The following TMEM165 variants were observed in gnomAD, a reference collection of about 807,000 sequenced individuals.
TMEM165 encodes the protein putative divalent cation/proton antiporter TMEM165.
In TMEM165, 19 loss-of-function variants were observed where a neutral mutation model predicts 30.0. The observed-to-expected ratio is 0.63, with a 90% CI of 0.44 to 0.93. TMEM165 has a LOEUF of 0.93. TMEM165 is among the 40% of genes least tolerant of loss of function. The probability of loss-of-function intolerance (pLI) is 0.00; values close to 1 mark genes in which losing one functional copy is unlikely to be tolerated. For missense variants in TMEM165, 340 were observed against 417.0 expected, an observed-to-expected ratio of 0.82 and a Z score of 1.61; for synonymous variants, 168 against 162.9, an observed-to-expected ratio of 1.03 and a Z score of -0.24.
At chr4:55,451,821 G>A (rs559792197) in intron 3 of TMEM165, among the ~76,000 whole-genome samples, 71 of 152,140 alleles carry the variant, frequency 4.7e-4, no homozygotes, top group African/African-American at 1.6e-3. Flanking sequence ...AAACCTCTTT[G>A]GAAAAGTTCT....
At chr4:55,427,501 CCTGG>C (rs1722273896), downstream of TMEM165, among the ~76,000 whole-genome samples, 1 of 151,474 alleles carries the variant, frequency 6.6e-6, no homozygotes, top group Non-Finnish European at 1.5e-5. Flanking sequence ...CGCCACCACG[CCTGG>C]CTAATTTTTT....
chr4:55,419,705 GA>G (rs1189104398), intron 4 of TMEM165, among the ~76,000 whole-genome samples: 1 of 151,896 alleles, frequency 6.6e-6, no homozygotes, highest in Non-Finnish European at 1.5e-5. Context: ...GTTTATATCA[GA>G]TTCTCTTTTT....
chr4:55,428,031 C>T (rs192276543), downstream of TMEM165: 2 of 152,244 alleles, frequency 1.3e-5, no homozygotes, highest in Admixed American at 1.3e-4. Flanking sequence ...AAACATAGCA[C>T]TGAGGTATTT....
At position 55,416,851 on chromosome 4, in the gene TMEM165, A is replaced by G. The variant is rs1479572913; in HGVS notation, c.434-221A>G. The G allele has an allele frequency of 1.0e-5, 4 of 398,488 alleles. No individual in the cohort carries two copies. The Admixed American group carries it at 1.8e-4, about 18-fold the overall frequency. 24.7% of individuals were successfully genotyped at this position (398,488 alleles called of 1,614,324 possible). A position where few individuals can be genotyped will look rare whatever the true frequency, so the allele number is the denominator to read the frequency against. On this transcript the variant is annotated intron_variant, in intron 2 of 5. Coordinates refer to ENST00000381334, the MANE Select transcript of TMEM165 (RefSeq NM_018475.5). Reference sequence around the variant, plus strand: ...AAGATGTGCCATCTTCAACTGGACCATTGGCTTCTGAGTAAGCTGTGTTAG... The same window carrying G: ...AAGATGTGCCATCTTCAACTGGACCGTTGGCTTCTGAGTAAGCTGTGTTAG...
downstream of TMEM165, chr4:55,428,410 A>T (rs140155293): frequency 4.3e-4 from 65 of 152,356 alleles, no homozygotes; most frequent in African/African-American, 1.5e-3. Context: ...TAGGTCATGA[A>T]AATCAGAGAA....
intron 3 of TMEM165, chr4:55,431,394 C>T (rs887573515): frequency 1.3e-5 from 2 of 152,128 alleles, no homozygotes; most frequent in Admixed American, 6.5e-5. Context: ...TAAAAATAGT[C>T]GATTCTATTC....
At chr4:55,451,471 T>C (rs1352970792) in intron 3 of TMEM165, among the ~76,000 whole-genome samples, 3 of 152,204 alleles carry the variant, frequency 2.0e-5, no homozygotes, top group Non-Finnish European at 4.4e-5. Context: ...ATCCCTTTGG[T>C]GATCCCATCA....
chr4:55,406,540 AATG>A (rs1253692350), intron 1 of TMEM165, among the ~76,000 whole-genome samples: 1 of 152,228 alleles, frequency 6.6e-6, no homozygotes, highest in South Asian at 2.1e-4. Context: ...AAAATATCTT[AATG>A]ATTTTCTATA....
intron 4 of TMEM165, among the ~76,000 whole-genome samples, chr4:55,421,166 CAAAAA>C (rs71194559): frequency 0.47 from 38,972 of 82,262 alleles, 5,596 homozygotes; most frequent in East Asian, 0.74. Flanking sequence ...GATTCCATCT[CAAAAA>C]AAAAAAAAAA....
chr4:55,402,351 A>G (rs1721032837), intron 1 of TMEM165, among the ~76,000 whole-genome samples: 1 of 135,750 alleles, frequency 7.4e-6, no homozygotes, highest in Non-Finnish European at 1.5e-5. Flanking sequence ...ATCTTTCGAA[A>G]TCAGGTTTAT....
intron 3 of TMEM165, chr4:55,450,005 G>A (rs1350562192): frequency 8.2e-6 from 12 of 1,469,972 alleles, no homozygotes; most frequent in Non-Finnish European, 1.1e-5. Flanking sequence ...TTTTAAAGAA[G>A]CGTTTGATGA....
Position 55,417,068 on chromosome 4 carries a change from C to T in TMEM165, c.434-4C>T, listed in dbSNP as rs759391706. The T allele has an allele frequency of 1.3e-6, 2 of 1,583,808 alleles. No individual in the cohort carries two copies. Among genetic ancestry groups the T allele is most frequent in the South Asian group, 2.3e-5 (2 of 85,754 alleles). The stretch of plus-strand genomic sequence containing the variant: ...TAACAAACATACTGTTGTATTTTTT[C>T]CAGTTTTGTTTGGCTATGCCACCAC... On this transcript the variant is annotated splice_region_variant and splice_polypyrimidine_tract_variant and intron_variant, in intron 2 of 5. Coordinates refer to ENST00000381334, the MANE Select transcript of TMEM165 (RefSeq NM_018475.5).
chr4:55,424,510 G>A, intron 4 of TMEM165, 28 bp from the exon 5 acceptor site: 2 of 1,449,302 alleles, frequency 1.4e-6, no homozygotes, highest in Non-Finnish European at 9.7e-7. Context: ...CCTTGGTTTT[G>A]AATTAATGCT....
rs376173137 is a variant in TMEM165, at chr4:55,448,763, A to G, written c.409-3476A>G. ...TCATATTCAAATACGCAACTGAAAC[A>G]AAAACCAAAAAGTACCTGGGACATG... On this transcript the variant is annotated intron_variant, in intron 3 of 3. Transcript: ENST00000608091. The G allele has an allele frequency of 6.2e-6, 10 of 1,609,150 alleles. No homozygotes were observed. The Middle Eastern group carries it at 4.9e-4, about 79-fold the overall frequency.
At chr4:55,444,923 A>AT in intron 3 of TMEM165, 1 of 893,430 alleles carries the variant, frequency 1.1e-6, no homozygotes, top group Non-Finnish European at 1.8e-6. Flanking sequence ...CTTAGTTTCT[A>AT]ATCCACCCAT....
chr4:55,421,805 C>T (rs986660960), intron 4 of TMEM165, among the ~76,000 whole-genome samples: 27 of 152,184 alleles, frequency 1.8e-4, no homozygotes, highest in African/African-American at 6.3e-4. Context: ...GCCCCCTCTG[C>T]CCTCCTGTAT....
At chr4:55,446,975 C>T (rs1723909668) in intron 3 of TMEM165, among the ~76,000 whole-genome samples, 1 of 151,954 alleles carries the variant, frequency 6.6e-6, no homozygotes, top group African/African-American at 2.4e-5. Context: ...ATAACCAGAC[C>T]ATATCATATG....
At chr4:55,435,631 C>G in intron 3 of TMEM165, 1 of 1,602,814 alleles carries the variant, frequency 6.2e-7, no homozygotes, top group Non-Finnish European at 8.5e-7. Context: ...TTGCTTTACT[C>G]CCTTTATGGC....
intron 3 of TMEM165, chr4:55,449,013 A>G: frequency 1.5e-6 from 1 of 677,606 alleles, no homozygotes; most frequent in Non-Finnish European, 2.5e-6. Context: ...ATGTCTTCTC[A>G]TCTATATTGG....
Sources: gnomAD v4.1 joint callset for allele counts (sites outside exome capture counted in the v4.1 genomes callset) on GRCh38, gnomAD v4.1.1 for gene constraint, MANE v1.5 for transcripts, NCBI Gene and HGNC (gene_info 2026-07-23, HGNC 2026-07-21) for gene names.